Variants in FABP7 observed in about 807,000 individuals in gnomAD.
FABP7 encodes fatty acid-binding protein, brain.
FABP7 carries 13 observed loss-of-function variants against 14.2 expected under a neutral mutation model. The observed-to-expected ratio is 0.91, with a 90% CI of 0.59 to 1.45. The LOEUF is 1.45. Ranked by LOEUF, FABP7 falls within the 40% of genes most tolerant of loss-of-function variation. The pLI is 0.00. For missense variants in FABP7, 149 were observed against 157.6 expected (o/e 0.95, Z 0.29); for synonymous variants, 49 against 51.4 (o/e 0.95, Z 0.20).
chr6:122,752,208 T>G, the FABP7 span, among the ~76,000 whole-genome samples: 1 of 152,222 alleles, frequency 6.6e-6, no homozygotes, highest in Admixed American at 6.5e-5. Flanking sequence ...AAAATGTTAT[T>G]TTGTTCTAGT....
At chr6:122,781,520 AT>A in intron 3 of FABP7, 1 of 1,333,320 alleles carries the variant, frequency 7.5e-7, no homozygotes, top group Non-Finnish European at 9.6e-7. Flanking sequence ...CTCAAATAAA[AT>A]TTAATATAAA....
intron 1 of FABP7, 34 bp downstream of exon 1, chr6:122,779,901 A>G (rs768036032): frequency 6.3e-7 from 1 of 1,592,614 alleles, no homozygotes; most frequent in Admixed American, 1.7e-5. Context: ...TTCTCTTCTC[A>G]ACGTGCAGCT....
At chr6:122,753,784 G>GT in the FABP7 span, among the ~76,000 whole-genome samples, 1 of 35,540 alleles carries the variant, frequency 2.8e-5, no homozygotes, top group Non-Finnish European at 5.5e-5. Context: ...TCCAAATCCC[G>GT]CCCCCCCCCC....
the FABP7 span, among the ~76,000 whole-genome samples, chr6:122,753,918 G>A: frequency 5.9e-5 from 9 of 152,070 alleles, no homozygotes; most frequent in Middle Eastern, 3.4e-3. Context: ...TTACAAAGTT[G>A]CAAACAAAGA....
the FABP7 span, among the ~76,000 whole-genome samples, chr6:122,757,205 A>T: frequency 6.6e-6 from 1 of 152,148 alleles, no homozygotes; most frequent in African/African-American, 2.4e-5. Flanking sequence ...CTTATTTCCA[A>T]GAGAGAGATA....
At chr6:122,773,652 C>T in the FABP7 span, among the ~76,000 whole-genome samples, 2 of 152,116 alleles carry the variant, frequency 1.3e-5, no homozygotes, top group African/African-American at 4.8e-5. Flanking sequence ...GCAGCAAATA[C>T]TTTGTTATTT....
chr6:122,780,430 T>G lies in FABP7; in HGVS notation c.213T>G (p.Phe71Leu), dbSNP rs1317607222. The part of the protein sequence containing the change: ...TEISFQLGEE[F>L]DETTADDRNC... ...TTAGTTTCCAGCTGGGAGAAGAGTT[T>G]GATGAAACCACTGCAGATGATAGAA... The change falls in exon 2 of 4, where the codon TTT (phenylalanine) becomes TTG (leucine). Residue 71 changes from phenylalanine to leucine, a missense_variant. Coordinates refer to ENST00000368444, the MANE Select transcript of FABP7 (RefSeq NM_001446.5). The G allele has an allele frequency of 1.9e-6, 3 of 1,613,618 alleles. No individual in the cohort carries two copies. Among genetic ancestry groups the G allele is most frequent in the Non-Finnish European group, 2.5e-6 (3 of 1,179,918 alleles).
the FABP7 span, among the ~76,000 whole-genome samples, chr6:122,762,344 A>T: frequency 6.6e-6 from 1 of 151,954 alleles, no homozygotes; most frequent in African/African-American, 2.4e-5. Context: ...TCAACAGCCC[A>T]TCATGCTAAA....
the FABP7 span, among the ~76,000 whole-genome samples, chr6:122,763,359 C>T: frequency 6.6e-6 from 1 of 152,086 alleles, no homozygotes; most frequent in African/African-American, 2.4e-5. Context: ...AAACTGGATC[C>T]CTTCCTTACA....
the FABP7 span, among the ~76,000 whole-genome samples, chr6:122,773,719 G>A: frequency 6.6e-6 from 1 of 152,040 alleles, no homozygotes; most frequent in Admixed American, 6.6e-5. Context: ...CATAACCTTG[G>A]TTAACTTACT....
chr6:122,778,338 AATT>A (rs1338814218), upstream of FABP7, among the ~76,000 whole-genome samples: 1 of 152,180 alleles, frequency 6.6e-6, no homozygotes, highest in Non-Finnish European at 1.5e-5. Context: ...ATAAAGTGAA[AATT>A]GGAAGAAAAG....
At chr6:122,775,282 C>A (rs1488131415), upstream of FABP7, among the ~76,000 whole-genome samples, 1 of 152,022 alleles carries the variant, frequency 6.6e-6, no homozygotes, top group Non-Finnish European at 1.5e-5. Context: ...GCTATAGTAA[C>A]AAAAAGTGCA....
chr6:122,772,506 C>T, the FABP7 span, among the ~76,000 whole-genome samples: 1 of 152,150 alleles, frequency 6.6e-6, no homozygotes, highest in East Asian at 1.9e-4. Flanking sequence ...CAACTTCCAC[C>T]TCCTGGGTTC....
rs759489010 is a variant in FABP7, at chr6:122,783,806, T to C, written c.*39T>C. ...CGGGGCTTGGAAGAGCTCTTCAGTT[T>C]TTCTGTTTCCTCAAGTCTCAGTGCT... On this transcript the variant is annotated 3_prime_UTR_variant, in exon 4 of 4. Transcript: ENST00000368444. 31 of 1,540,634 alleles carry C rather than the reference T, an allele frequency of 2.0e-5. No individual in the cohort carries two copies. In the South Asian group the frequency reaches 3.1e-4, roughly 15 times the overall value.
At position 122,780,368 on chromosome 6, in the gene FABP7, G is replaced by A. The variant is rs770646383; in HGVS notation, c.151G>A (p.Val51Ile). 1 of 1,614,130 alleles carries A rather than the reference G, an allele frequency of 6.2e-7. No homozygotes were observed. The highest frequency in any genetic ancestry group is 8.5e-7 in the Non-Finnish European group (1 of 1,180,026). ...VIISQEGDKVVIRTLSTFKNT... is the reference protein window; with the variant it reads ...VIISQEGDKVIIRTLSTFKNT... ...TATCAGTCAAGAAGGAGACAAAGTG[G>A]TCATCAGGACTCTCAGCACATTCAA... is the stretch of plus-strand genomic sequence containing the variant. The change falls in exon 2 of 4, where the codon GTC (valine) becomes ATC (isoleucine). Residue 51 changes from valine (V) to isoleucine (I), a missense_variant. Physicochemically the swap from Val to Ile is conservative, Grantham distance 29. Transcript: ENST00000368444.
At chr6:122,778,225 G>C (rs1252116474), upstream of FABP7, among the ~76,000 whole-genome samples, 1 of 152,186 alleles carries the variant, frequency 6.6e-6, no homozygotes, top group Non-Finnish European at 1.5e-5. Context: ...CAAAGCAAAA[G>C]AGATAGGCCT....
chr6:122,757,151 C>T, the FABP7 span, among the ~76,000 whole-genome samples: 2 of 152,140 alleles, frequency 1.3e-5, no homozygotes, highest in Non-Finnish European at 2.9e-5. Context: ...ATTCAAAAGT[C>T]TACCGTCTGA....
intron 3 of FABP7, chr6:122,781,741 T>TTTA: frequency 6.3e-6 from 1 of 158,298 alleles, no homozygotes; most frequent in Non-Finnish European, 7.6e-6. Context: ...GTGATAACCC[T>TTTA]TTTTTTTTTT....
the FABP7 span, among the ~76,000 whole-genome samples, chr6:122,756,302 A>G: frequency 1.3e-5 from 2 of 152,026 alleles, no homozygotes; most frequent in South Asian, 4.1e-4. Context: ...AATTTTTATA[A>G]TTTTTCCCAC....
Sources: gnomAD v4.1 joint callset for allele counts (sites outside exome capture counted in the v4.1 genomes callset) on GRCh38, gnomAD v4.1.1 for gene constraint, MANE v1.5 for transcripts, NCBI Gene and HGNC (gene_info 2026-07-23, HGNC 2026-07-21) for gene names.